LRP1B: variants seen among roughly 807,000 people sequenced by gnomAD.
LRP1B encodes low-density lipoprotein receptor-related protein 1B.
Under a neutral mutation model 556.6 loss-of-function variants are expected in LRP1B, and 217 were observed. The observed-to-expected ratio is 0.39, with a 90% CI of 0.35 to 0.44. The LOEUF (loss-of-function observed/expected upper bound fraction) is 0.44. LRP1B is among the 20% of genes least tolerant of loss of function. The pLI, the probability that LRP1B is intolerant of heterozygous loss-of-function variation, is 1.00. For missense variants in LRP1B, 5,053 were observed against 5,620.8 expected (o/e 0.90, Z 3.23); for synonymous variants, 2,047 against 1,865.8 (o/e 1.10, Z -2.50).
intron 43 of LRP1B, among the ~76,000 whole-genome samples, chr2:140,563,667 AG>A (rs140420959): frequency 0.04 from 6,123 of 152,296 alleles, 205 homozygotes; most frequent in Admixed American, 0.065. Context: ...AACATTTTAT[AG>A]GACATTCAAT....
chr2:140,337,797 T>G (rs1203210564), intron 77 of LRP1B, among the ~76,000 whole-genome samples: 1 of 151,900 alleles, frequency 6.6e-6, no homozygotes, highest in Admixed American at 6.6e-5. Flanking sequence ...ATATGTCATA[T>G]TCCATGCAAG....
chr2:141,972,896 A>G (rs16847733), intron 1 of LRP1B, among the ~76,000 whole-genome samples: 30,413 of 151,492 alleles, frequency 0.2, 3,689 homozygotes, highest in East Asian at 0.32. Context: ...TAAAGGGATT[A>G]ATAGACTCAT....
chr2:140,980,902 C>T (rs1239559910), intron 18 of LRP1B, among the ~76,000 whole-genome samples: 1 of 152,170 alleles, frequency 6.6e-6, no homozygotes, highest in Non-Finnish European at 1.5e-5. Context: ...CCATGGAATA[C>T]TACTCAGCCA....
chr2:141,775,937 G>A (rs1327342974), intron 2 of LRP1B, among the ~76,000 whole-genome samples: 1 of 151,064 alleles, frequency 6.6e-6, no homozygotes, highest in Non-Finnish European at 1.5e-5. Context: ...CCGCCTCCTG[G>A]GTTCACACCA....
At chr2:141,563,957 C>T (rs1686247037) in intron 2 of LRP1B, among the ~76,000 whole-genome samples, 1 of 151,930 alleles carries the variant, frequency 6.6e-6, no homozygotes, top group Admixed American at 6.6e-5. Context: ...CATCCCAAAC[C>T]TCGGCAACAC....
intron 84 of LRP1B, 32 bp from the exon 85 acceptor site, chr2:140,274,630 A>G: frequency 6.3e-7 from 1 of 1,578,826 alleles, no homozygotes; most frequent in Non-Finnish European, 8.7e-7. Context: ...GAAAAATAAA[A>G]TTATATTACA....
Position 141,027,932 on chromosome 2 carries a change from G to A in LRP1B, c.1790-7830C>T, listed in dbSNP as rs138981336. Among the ~76,000 whole-genome samples the A allele has an allele frequency of 3.3e-3, 507 of 152,068 alleles. 2 individuals are homozygous for A. The highest frequency in any genetic ancestry group is 3.3e-3 in the Non-Finnish European group (227 of 67,966). On this transcript the variant is annotated intron_variant, in intron 11 of 90. Coordinates refer to ENST00000389484, the MANE Select transcript of LRP1B (RefSeq NM_018557.3). ...CCCTCACCAGAACCTGACCATGCTC[G>A]CACCCTGATCTCAGACTTCTATGCT...
At chr2:140,962,294 C>G (rs1696060642) in intron 18 of LRP1B, among the ~76,000 whole-genome samples, 1 of 152,182 alleles carries the variant, frequency 6.6e-6, no homozygotes, top group Non-Finnish European at 1.5e-5. Flanking sequence ...ACCACAACCA[C>G]TATCCCCCAT....
intron 71 of LRP1B, among the ~76,000 whole-genome samples, chr2:140,366,933 G>A (rs76821301): frequency 0.022 from 3,322 of 151,774 alleles, 44 homozygotes; most frequent in Non-Finnish European, 0.023. Flanking sequence ...GTACAGGAGA[G>A]CAAAAGAGTA....
At chr2:140,513,926 A>G (rs1599739) in intron 51 of LRP1B, among the ~76,000 whole-genome samples, 110,483 of 151,824 alleles carry the variant, frequency 0.73, 40,729 homozygotes, top group Middle Eastern at 0.85. Flanking sequence ...CAACCAATAG[A>G]CATCTATAAA....
intron 2 of LRP1B, among the ~76,000 whole-genome samples, chr2:141,507,285 C>A (rs147554149): frequency 3.3e-5 from 5 of 152,134 alleles, no homozygotes; most frequent in African/African-American, 9.6e-5. Context: ...ATGACTAACC[C>A]AGATTTTTGT....
intron 86 of LRP1B, among the ~76,000 whole-genome samples, chr2:140,253,697 A>T (rs977248691): frequency 1.3e-5 from 2 of 152,300 alleles, no homozygotes; most frequent in Non-Finnish European, 2.9e-5. Flanking sequence ...GATGAGGAAG[A>T]TACAGGTATT....
chr2:141,277,039 T>A (rs763826360), intron 3 of LRP1B, among the ~76,000 whole-genome samples: 1 of 152,224 alleles, frequency 6.6e-6, no homozygotes, highest in Non-Finnish European at 1.5e-5. Context: ...TGGTCTACTG[T>A]TCATGGGCAT....
chr2:141,817,836 GA>G (rs1333099172), intron 1 of LRP1B, among the ~76,000 whole-genome samples: 1 of 151,958 alleles, frequency 6.6e-6, no homozygotes, highest in African/African-American at 2.4e-5. Flanking sequence ...GGACACTATA[GA>G]AAAACTTTAA....
chr2:142,087,122 C>T (rs10179879), intron 1 of LRP1B, among the ~76,000 whole-genome samples: 12,207 of 152,136 alleles, frequency 0.08, 526 homozygotes, highest in Non-Finnish European at 0.092. Context: ...TATGAAGCCC[C>T]TGTAGTTTTC....
Position 141,019,911 on chromosome 2 carries a change from A to G in LRP1B, c.1970+11T>C. 1 of 1,532,600 alleles carries G rather than the reference A, an allele frequency of 6.5e-7. No homozygotes were observed. The highest frequency in any genetic ancestry group is 2.0e-5 in the Admixed American group (1 of 49,264). The allele number at this position is 1,532,600 out of a possible 1,614,324, so 94.9% of individuals were successfully genotyped here. A position where few individuals can be genotyped will look rare whatever the true frequency, so the allele number is the denominator to read the frequency against. ...ATTTTTCTTATATAAAGCTAGTCAA[A>G]TATTGCATACCCATTAACTGGATCC... On this transcript the variant is annotated intron_variant, in intron 12 of 90. Coordinates refer to ENST00000389484, the MANE Select transcript of LRP1B (RefSeq NM_018557.3).
intron 25 of LRP1B, among the ~76,000 whole-genome samples, chr2:140,876,105 T>G (rs916941386): frequency 5.3e-5 from 8 of 152,156 alleles, no homozygotes; most frequent in Non-Finnish European, 1.2e-4. Context: ...AGGAAAAGCT[T>G]TCAGAACTCA....
At chr2:140,794,142 GATAA>G (rs1381215792) in intron 32 of LRP1B, among the ~76,000 whole-genome samples, 1 of 152,004 alleles carries the variant, frequency 6.6e-6, no homozygotes, top group Admixed American at 6.6e-5. Flanking sequence ...GGAATTTAAA[GATAA>G]ATAGTCATCT....
At chr2:140,850,851 A>G (rs1347791543) in intron 28 of LRP1B, among the ~76,000 whole-genome samples, 1 of 152,164 alleles carries the variant, frequency 6.6e-6, no homozygotes, top group Admixed American at 6.5e-5. Context: ...TGTAGTAACT[A>G]ACATTGTGAG....
Sources: allele counts gnomAD v4.1 joint callset (sites outside exome capture counted in the v4.1 genomes callset), GRCh38; gene constraint gnomAD v4.1.1; transcripts MANE v1.5; gene names NCBI Gene and HGNC (gene_info 2026-07-23, HGNC 2026-07-21).